AFG2B: variants seen among roughly 807,000 people sequenced by gnomAD.
AFG2B encodes the protein ATPase family gene 2 protein homolog B.
the AFG2B span, chr15:45,410,478 TTG>T: frequency 6.2e-7 from 1 of 1,612,882 alleles, no homozygotes. Context: ...ATCAAGCCTG[TTG>T]ACTGGGAGGA....
the AFG2B span, among the ~76,000 whole-genome samples, chr15:45,408,752 G>A: frequency 6.6e-6 from 1 of 152,170 alleles, no homozygotes; most frequent in Non-Finnish European, 1.5e-5. Flanking sequence ...GGGCACAGTG[G>A]CTTACACCTG....
At chr15:45,404,665 G>T in the AFG2B span, among the ~76,000 whole-genome samples, 1 of 151,772 alleles carries the variant, frequency 6.6e-6, no homozygotes, top group Non-Finnish European at 1.5e-5. Flanking sequence ...AAAATAAGCC[G>T]GGCATGGTGG....
At chr15:45,403,132 C>T in the AFG2B span, 1 of 1,475,548 alleles carries the variant, frequency 6.8e-7, no homozygotes, top group South Asian at 1.3e-5. Flanking sequence ...AGCGGTGCCT[C>T]GCGGGGTGCT....
chr15:45,418,666 G>C, the AFG2B span: 1 of 1,613,476 alleles, frequency 6.2e-7, no homozygotes, highest in Non-Finnish European at 8.5e-7. Flanking sequence ...GCTGATCTTA[G>C]AAACCTCTGC....
the AFG2B span, among the ~76,000 whole-genome samples, chr15:45,415,276 A>G: frequency 9.2e-5 from 14 of 152,000 alleles, no homozygotes; most frequent in East Asian, 2.7e-3. Context: ...GCGGGTGAAT[A>G]ACTTTAGGCC....
At chr15:45,421,166 A>C in the AFG2B span, 23 of 1,609,578 alleles carry the variant, frequency 1.4e-5, no homozygotes, top group Non-Finnish European at 2.0e-5. Flanking sequence ...TTTATATGAA[A>C]ACTTATTTAA....
the AFG2B span, among the ~76,000 whole-genome samples, chr15:45,403,741 T>C: frequency 3.3e-5 from 5 of 152,194 alleles, no homozygotes; most frequent in Non-Finnish European, 7.3e-5. Flanking sequence ...AGTCAGGATC[T>C]GAGAGTCAGG....
the AFG2B span, among the ~76,000 whole-genome samples, chr15:45,414,220 C>G: frequency 8.5e-5 from 13 of 152,152 alleles, no homozygotes; most frequent in East Asian, 2.3e-3. Context: ...GATAGCCACA[C>G]GAAGATCTTG....
At chr15:45,412,918 T>G in the AFG2B span, among the ~76,000 whole-genome samples, 7 of 152,238 alleles carry the variant, frequency 4.6e-5, no homozygotes, top group Admixed American at 1.3e-4. Context: ...TGAACTAGGT[T>G]TCTCTAACCA....
the AFG2B span, chr15:45,405,436 C>T: frequency 4.3e-6 from 7 of 1,613,998 alleles, no homozygotes; most frequent in Non-Finnish European, 5.1e-6. Flanking sequence ...TGACAGTTGG[C>T]TATGTTGGTG....
chr15:45,409,644 C>T, the AFG2B span, among the ~76,000 whole-genome samples: 4 of 151,644 alleles, frequency 2.6e-5, no homozygotes, highest in Admixed American at 6.6e-5. Context: ...GAGGATCGCT[C>T]GAGCCCATGA....
the AFG2B span, among the ~76,000 whole-genome samples, chr15:45,409,762 A>C: frequency 6.6e-6 from 1 of 151,688 alleles, no homozygotes; most frequent in Non-Finnish European, 1.5e-5. Flanking sequence ...AGTTCTAGCT[A>C]CTCCGGAGGG....
At chr15:45,410,598 A>C in the AFG2B span, 2 of 1,457,304 alleles carry the variant, frequency 1.4e-6, no homozygotes, top group Non-Finnish European at 1.9e-6. Context: ...TTATGATGAC[A>C]ACATACTGCG....
the AFG2B span, among the ~76,000 whole-genome samples, chr15:45,405,012 T>C: frequency 6.6e-6 from 1 of 152,138 alleles, no homozygotes; most frequent in African/African-American, 2.4e-5. Flanking sequence ...ACCTCAAACA[T>C]TTATCATTTC....
chr15:45,403,253 C>T, the AFG2B span: 3 of 1,582,598 alleles, frequency 1.9e-6, no homozygotes, highest in South Asian at 1.1e-5. Flanking sequence ...GGTTCCCGGC[C>T]TGGGGAGACC....
chr15:45,410,099 C>T, the AFG2B span, among the ~76,000 whole-genome samples: 1 of 152,116 alleles, frequency 6.6e-6, no homozygotes, highest in African/African-American at 2.4e-5. Flanking sequence ...AGTATGGTTC[C>T]ATTTGTGTAT....
chr15:45,410,349 C>CT, the AFG2B span: 1 of 1,599,844 alleles, frequency 6.3e-7, no homozygotes, highest in South Asian at 1.1e-5. Context: ...TTTGATTTTG[C>CT]TTTTTTGGGT....
At chr15:45,418,846 T>G in the AFG2B span, among the ~76,000 whole-genome samples, 197 of 152,024 alleles carry the variant, frequency 1.3e-3, no homozygotes, top group Middle Eastern at 0.02. Flanking sequence ...TGTGGGGTGG[T>G]GAGGAGGGTG....
chr15:45,414,825 A>G, the AFG2B span: 1 of 1,529,658 alleles, frequency 6.5e-7, no homozygotes. Flanking sequence ...TTGAATTTTT[A>G]TTTCATTTCT....
Sources: allele counts gnomAD v4.1 joint callset (sites outside exome capture counted in the v4.1 genomes callset), GRCh38; gene constraint gnomAD v4.1.1; transcripts MANE v1.5; gene names NCBI Gene and HGNC (gene_info 2026-07-23, HGNC 2026-07-21).